Variants in ARHGEF3 observed in about 807,000 individuals in gnomAD.
The protein encoded by ARHGEF3 is Rho guanine nucleotide exchange factor 3, also known as 59.8 kDA protein.
ARHGEF3 carries 28 observed loss-of-function variants against 63.2 expected under a neutral mutation model. The observed-to-expected ratio is 0.44, with a 90% confidence interval of 0.33 to 0.61. The LOEUF is 0.61. Among genes scored for constraint, ARHGEF3 ranks in the 20% least tolerant of loss-of-function variants. The pLI is 0.03. For missense variants in ARHGEF3, 533 were observed against 659.3 expected, an observed-to-expected ratio of 0.81 and a Z score of 2.10; for synonymous variants, 266 against 254.2, an observed-to-expected ratio of 1.05 and a Z score of -0.44.
At chr3:56,753,888 A>G (rs181594920) in intron 3 of ARHGEF3, among the ~76,000 whole-genome samples, 1 of 152,314 alleles carries the variant, frequency 6.6e-6, no homozygotes, top group Admixed American at 6.5e-5. Flanking sequence ...TGAGCCATGG[A>G]TTTGGTACCC....
intron 2 of ARHGEF3, among the ~76,000 whole-genome samples, chr3:56,968,239 T>TA (rs1233063892): frequency 2.3e-5 from 1 of 44,146 alleles, no homozygotes; most frequent in Non-Finnish European, 4.1e-5. Context: ...TATATAAATA[T>TA]ATATATTAAT....
intron 2 of ARHGEF3, among the ~76,000 whole-genome samples, chr3:57,000,310 C>CACACACACACACACACACACA (rs1560120499): frequency 1.3e-4 from 18 of 139,264 alleles, no homozygotes; most frequent in African/African-American, 4.9e-4. Context: ...AGGGTAACTC[C>CACACACACACACACACACACA]CACACACACA....
At chr3:57,034,961 C>T in intron 2 of ARHGEF3, 1 of 741,278 alleles carries the variant, frequency 1.3e-6, no homozygotes, top group Non-Finnish European at 2.1e-6. Context: ...ATGCCTAGCA[C>T]TATCTCCAAA....
intron 4 of ARHGEF3, among the ~76,000 whole-genome samples, chr3:56,876,650 G>T (rs1379714378): frequency 6.6e-6 from 1 of 151,914 alleles, no homozygotes; most frequent in African/African-American, 2.4e-5. Context: ...GATTAAACAG[G>T]GCTCATCTTG....
rs138702771 is a variant in ARHGEF3, at chr3:56,971,589, C to A, written c.63-12700G>T. ...GGTTAAGGCCGGGCGCGGTGGCTCACGCCTGAAATTCCAGCACTTTGGGAG... is the reference window on the plus strand; with the variant it reads ...GGTTAAGGCCGGGCGCGGTGGCTCAAGCCTGAAATTCCAGCACTTTGGGAG... On this transcript the variant is annotated intron_variant, in intron 2 of 12. Transcript: ENST00000338458. Among the ~76,000 whole-genome samples the A allele has an allele frequency of 5.7e-4, 87 of 152,056 alleles. 1 individual carries two copies. In the East Asian group the frequency reaches 0.012, roughly 21 times the overall value.
At chr3:56,943,580 C>T (rs9879394) in intron 3 of ARHGEF3, among the ~76,000 whole-genome samples, 79,443 of 152,016 alleles carry the variant, frequency 0.52, 22,132 homozygotes, top group East Asian at 0.65. Flanking sequence ...AGCCCATGGA[C>T]AGAGGAGTCA....
At chr3:56,981,051 C>T (rs1701308968) in intron 2 of ARHGEF3, among the ~76,000 whole-genome samples, 1 of 152,238 alleles carries the variant, frequency 6.6e-6, no homozygotes, top group African/African-American at 2.4e-5. Flanking sequence ...GTCTGACTAA[C>T]AGAAAGTCAC....
chr3:56,731,786 C>G lies in ARHGEF3; in HGVS notation c.1228+452G>C, dbSNP rs115715238. The G allele has an allele frequency of 2.0e-3, 402 of 200,144 alleles. 4 individuals carry two copies. Among genetic ancestry groups the G allele is most frequent in the African/African-American group, 9.0e-3 (387 of 43,058 alleles). 12.4% of individuals were successfully genotyped at this position (200,144 alleles called of 1,614,324 possible). ...TTTATTAAGTCTTAAATTAGGCCCA[C>G]TGAGTAATGTTACAGATGAATCCAC... On this transcript the variant is annotated intron_variant, in intron 9 of 9. Transcript: ENST00000296315.
intron 8 of ARHGEF3, among the ~76,000 whole-genome samples, chr3:56,735,806 T>C (rs1482418221): frequency 2.0e-5 from 3 of 152,200 alleles, no homozygotes; most frequent in Non-Finnish European, 4.4e-5. Flanking sequence ...CACTGTACCA[T>C]CCACTGGATG....
At chr3:57,032,305 G>A (rs1233855332) in intron 2 of ARHGEF3, among the ~76,000 whole-genome samples, 1 of 152,190 alleles carries the variant, frequency 6.6e-6, no homozygotes, top group Non-Finnish European at 1.5e-5. Flanking sequence ...GCTGGACAGG[G>A]ACAAAGCCAT....
intron 4 of ARHGEF3, among the ~76,000 whole-genome samples, chr3:56,816,273 A>C (rs2038267357): frequency 6.6e-6 from 1 of 152,168 alleles, no homozygotes; most frequent in South Asian, 2.1e-4. Context: ...GCTAAACCAC[A>C]GGCTTCTCAA....
chr3:57,052,104 T>C (rs952047670), intron 1 of ARHGEF3, among the ~76,000 whole-genome samples: 3 of 152,232 alleles, frequency 2.0e-5, no homozygotes, highest in African/African-American at 7.2e-5. Flanking sequence ...ACACTGTTAC[T>C]ATGCTCGTGT....
chr3:56,905,480 C>A (rs758213141), intron 3 of ARHGEF3, among the ~76,000 whole-genome samples: 1 of 152,158 alleles, frequency 6.6e-6, no homozygotes, highest in Non-Finnish European at 1.5e-5. Context: ...TTATTTAAGT[C>A]CCCATTGACT....
chr3:56,754,941 G>C, intron 3 of ARHGEF3, 40 bp downstream of exon 3: 1 of 1,613,250 alleles, frequency 6.2e-7, no homozygotes, highest in Non-Finnish European at 8.5e-7. Context: ...ATGCACCTTT[G>C]TTCCAGACAC....
intron 4 of ARHGEF3, among the ~76,000 whole-genome samples, chr3:56,856,481 G>A (rs541866143): frequency 1.3e-4 from 19 of 151,822 alleles, no homozygotes; most frequent in South Asian, 2.1e-4. Context: ...TTATTACACC[G>A]GTAATTCATG....
chr3:56,734,131 C>T (rs1389804988), intron 8 of ARHGEF3, among the ~76,000 whole-genome samples: 4 of 151,942 alleles, frequency 2.6e-5, no homozygotes, highest in African/African-American at 9.7e-5. Flanking sequence ...AGGCTTGTTT[C>T]AGGTCCCATT....
At chr3:57,007,155 G>T (rs1328503874) in intron 2 of ARHGEF3, 1 of 1,247,708 alleles carries the variant, frequency 8.0e-7, no homozygotes, top group African/African-American at 1.6e-5. Flanking sequence ...CATCCATAAA[G>T]AATTAATAAA....
rs1229016193 is a variant in ARHGEF3, at chr3:56,882,375, CAA to C, written c.130-23_130-22del. The C allele has an allele frequency of 3.2e-6, 5 of 1,550,308 alleles. No homozygotes were observed. The African/African-American group carries it at 6.9e-5, about 21-fold the overall frequency. On this transcript the variant is annotated intron_variant, in intron 3 of 12. Coordinates refer to the ARHGEF3 transcript ENST00000338458. ...TTTCGCTGCAAAACAAACGAAAAAACAAAGTTCAAAGGTAAGTAGGGGTTATG... is the reference window on the plus strand; with the variant it reads ...TTTCGCTGCAAAACAAACGAAAAAACAGTTCAAAGGTAAGTAGGGGTTATG...
At chr3:56,739,412 T>TC (rs2033863301) in intron 7 of ARHGEF3, among the ~76,000 whole-genome samples, 1 of 150,898 alleles carries the variant, frequency 6.6e-6, no homozygotes, top group African/African-American at 2.4e-5. Flanking sequence ...TTTTTTTTTT[T>TC]TCAGTTGAGA....
Sources: allele counts gnomAD v4.1 joint callset (sites outside exome capture counted in the v4.1 genomes callset), GRCh38; gene constraint gnomAD v4.1.1; transcripts MANE v1.5; gene names NCBI Gene and HGNC (gene_info 2026-07-23, HGNC 2026-07-21).